The following CCDC160 variants were observed in gnomAD, a reference collection of about 807,000 sequenced individuals.
The protein encoded by CCDC160 is coiled-coil domain containing 160.
For missense variants in CCDC160, 227 were observed against 215.6 expected, an observed-to-expected ratio of 1.05 and a Z score of -0.33; for synonymous variants, 94 against 79.4, an observed-to-expected ratio of 1.18 and a Z score of -0.98.
intron 1 of CCDC160, among the ~76,000 whole-genome samples, chrX:134,238,395 C>T (rs1250293990): frequency 1.4e-4 from 10 of 70,327 alleles, no homozygotes; most frequent in African/African-American, 5.1e-4. Flanking sequence ...TTTTTTGAGG[C>T]GGAGTCTTGC....
chrX:134,241,775 C>T (rs1433358004), intron 1 of CCDC160, among the ~76,000 whole-genome samples: 1 of 111,868 alleles, frequency 8.9e-6, no homozygotes, highest in East Asian at 2.8e-4. Flanking sequence ...ATGTCCACAA[C>T]TGACCCACTA....
intron 1 of CCDC160, among the ~76,000 whole-genome samples, chrX:134,241,328 T>G: frequency 8.9e-6 from 1 of 112,004 alleles, no homozygotes; most frequent in Non-Finnish European, 1.9e-5. Context: ...TCATATTCAA[T>G]TTATTTTATC....
At chrX:134,244,546 A>G (rs992124207) in intron 1 of CCDC160, among the ~76,000 whole-genome samples, 8 of 111,824 alleles carry the variant, frequency 7.2e-5, no homozygotes, top group African/African-American at 2.6e-4. Flanking sequence ...GTTCTATTTC[A>G]TAGGATGAGA....
downstream of CCDC160, among the ~76,000 whole-genome samples, chrX:134,246,764 G>A (rs764696382): frequency 4.5e-5 from 5 of 112,224 alleles, no homozygotes; most frequent in Non-Finnish European, 9.4e-5. Flanking sequence ...GTTTGTATCA[G>A]TCATCAAGAT....
exon 2 of CCDC160, chrX:134,244,783 G>A (rs1434174900): frequency 8.7e-7 from 1 of 1,149,987 alleles, no homozygotes; most frequent in South Asian, 2.1e-5. Flanking sequence ...TCAGATATTG[G>A]AAGAGGTGCC....
Position 134,241,190 on chromosome X carries a change from G to A in CCDC160, c.-24-3587G>A, listed in dbSNP as rs769622612. The stretch of plus-strand genomic sequence containing the variant: ...AGTAAACAGTAGTGTATTATTTTAT[G>A]GAGCTATTTGAGAATAGATGTGCAT... On this transcript the variant is annotated intron_variant, in intron 1 of 1. Coordinates refer to ENST00000370809, the Ensembl canonical transcript of CCDC160. Among the ~76,000 whole-genome samples, 5 of 111,760 alleles carry A rather than the reference G, an allele frequency of 4.5e-5. No individual in the cohort carries two copies. In the South Asian group the frequency reaches 1.5e-3, roughly 34 times the overall value.
At chrX:134,246,034 T>TGTGA (rs1569477999), downstream of CCDC160, 1 of 195,909 alleles carries the variant, frequency 5.1e-6, no homozygotes, top group African/African-American at 3.1e-5. Context: ...TGTGTGTGTG[T>TGTGA]ACACACACAC....
At chrX:134,241,368 A>G (rs1264681924) in intron 1 of CCDC160, among the ~76,000 whole-genome samples, 4 of 111,776 alleles carry the variant, frequency 3.6e-5, no homozygotes, top group Non-Finnish European at 3.8e-5. Flanking sequence ...AGGTGAATAC[A>G]AACCACTTTC....
At chrX:134,245,822 C>T, downstream of CCDC160, 1 of 945,856 alleles carries the variant, frequency 1.1e-6, no homozygotes, top group Non-Finnish European at 1.4e-6. Context: ...TGAGCCAAAT[C>T]AGTGTTTATT....
chrX:134,244,569 T>C (rs1281620598), intron 1 of CCDC160, among the ~76,000 whole-genome samples: 5 of 112,144 alleles, frequency 4.5e-5, no homozygotes, highest in African/African-American at 1.6e-4. Flanking sequence ...CTTTTAAAGC[T>C]GGAAGCATCT....
chrX:134,242,786 T>G (rs1446551866), intron 1 of CCDC160, among the ~76,000 whole-genome samples: 1 of 111,309 alleles, frequency 9.0e-6, no homozygotes, highest in African/African-American at 3.3e-5. Context: ...GCCCCTGTGC[T>G]CACCTCCTTC....
exon 2 of CCDC160, chrX:134,244,855 G>A (rs749574186): frequency 9.2e-6 from 11 of 1,190,043 alleles, no homozygotes; most frequent in Non-Finnish European, 1.2e-5. Flanking sequence ...TTTTTTTAGT[G>A]CACAAGATGT....
At chrX:134,237,596 A>G (rs1388242397) in intron 1 of CCDC160, among the ~76,000 whole-genome samples, 4 of 112,027 alleles carry the variant, frequency 3.6e-5, no homozygotes, top group African/African-American at 1.3e-4. Flanking sequence ...GCCAGCGACT[A>G]GGTCGGGACT....
In CCDC160 at chrX:134,244,999, A is replaced by G. The variant is rs758555408; in HGVS notation, c.199A>G (p.Ile67Val). 5.1e-6 allele frequency: 6 copies of G among 1,174,455 alleles called. No homozygotes were observed. In the Admixed American group the frequency reaches 1.5e-4, roughly 28 times the overall value. ...AAGTAAATTTAAGAGGAAAAAATAT[A>G]TTTTCCAACTAAATGAAATAGAACA... The change falls in exon 2 of 2, where the codon ATT (isoleucine) becomes GTT (valine). Residue 67 changes from isoleucine (I) to valine (V), a missense_variant. Physicochemically the swap from Ile to Val is conservative, Grantham distance 29. Transcript: ENST00000370809.
chrX:134,244,688 C>A, intron 1 of CCDC160, 89 bp from the exon 3 acceptor site: 3 of 879,035 alleles, frequency 3.4e-6, no homozygotes, highest in Non-Finnish European at 4.6e-6. Context: ...AGATTCTTCA[C>A]CCGTGAGCCA....
At chrX:134,245,138 G>A (rs1399862580) in exon 2 of CCDC160, 2 of 1,195,540 alleles carry the variant, frequency 1.7e-6, no homozygotes, top group South Asian at 3.7e-5. Context: ...AGCTTTAACA[G>A]CACAGAAGAT....
At chrX:134,238,513 C>T (rs1297502083) in intron 1 of CCDC160, among the ~76,000 whole-genome samples, 1 of 108,450 alleles carries the variant, frequency 9.2e-6, no homozygotes, top group African/African-American at 3.4e-5. Context: ...GCTGGGATTA[C>T]AGGCGCGTGC....
downstream of CCDC160, chrX:134,246,034 T>C (rs200374105): frequency 5.1e-5 from 10 of 195,956 alleles, no homozygotes; most frequent in Non-Finnish European, 9.0e-5. Flanking sequence ...TGTGTGTGTG[T>C]ACACACACAC....
chrX:134,237,498 G>A (rs2077013640), intron 1 of CCDC160, among the ~76,000 whole-genome samples, 155 bp downstream of exon 1: 1 of 112,355 alleles, frequency 8.9e-6, no homozygotes, highest in Non-Finnish European at 1.9e-5. Context: ...CCCCAGGCCG[G>A]GGCTGGAGAG....
Sources: allele counts gnomAD v4.1 joint callset (sites outside exome capture counted in the v4.1 genomes callset), GRCh38; gene constraint gnomAD v4.1.1; transcripts MANE v1.5; gene names NCBI Gene and HGNC (gene_info 2026-07-23, HGNC 2026-07-21).